ABCA1: variants seen among roughly 807,000 people sequenced by gnomAD.
ABCA1 encodes phospholipid-transporting ATPase ABCA1.
A neutral mutation model predicts 262.5 loss-of-function variants in ABCA1; 133 were observed. The ratio of observed to expected loss-of-function variants is 0.51; its 90% CI spans 0.44 to 0.59. The LOEUF (loss-of-function observed/expected upper bound fraction) is 0.59, where lower values mean the gene tolerates loss of function less well. Ranked by LOEUF, ABCA1 falls within the 20% of genes least tolerant of loss-of-function variation. The pLI is 0.00. For synonymous variants in ABCA1, 1,022 were observed against 1,043.5 expected (o/e 0.98, Z 0.40); for missense variants, 2,452 against 2,777.5 (o/e 0.88, Z 2.63).
intron 7 of ABCA1, chr9:104,855,326 A>G (rs1272568353): frequency 5.0e-6 from 1 of 199,612 alleles, no homozygotes; most frequent in Non-Finnish European, 8.9e-6. Context: ...CCTCTTCAGT[A>G]GCTGGGATTA....
At chr9:104,797,087 T>C (rs1829964705) in intron 37 of ABCA1, among the ~76,000 whole-genome samples, 1 of 152,158 alleles carries the variant, frequency 6.6e-6, no homozygotes, top group Admixed American at 6.5e-5. Context: ...GATGTGTTTA[T>C]CAACAACTTA....
At chr9:104,870,645 C>G (rs1588462551) in intron 5 of ABCA1, among the ~76,000 whole-genome samples, 1 of 151,818 alleles carries the variant, frequency 6.6e-6, no homozygotes, top group Non-Finnish European at 1.5e-5. Flanking sequence ...CATTAGGGCC[C>G]CTCACAGATA....
At chr9:104,905,083 C>A (rs1271975420) in intron 1 of ABCA1, among the ~76,000 whole-genome samples, 1 of 152,166 alleles carries the variant, frequency 6.6e-6, no homozygotes, top group Non-Finnish European at 1.5e-5. Flanking sequence ...GGTGAAAATT[C>A]GGCCCTGCTG....
intron 15 of ABCA1, among the ~76,000 whole-genome samples, chr9:104,828,579 C>T (rs1042491972): frequency 6.6e-6 from 1 of 152,172 alleles, no homozygotes; most frequent in African/African-American, 2.4e-5. Context: ...AGAATCGCCA[C>T]CCAATATATC....
intron 7 of ABCA1, among the ~76,000 whole-genome samples, chr9:104,848,040 G>GCACACA (rs369734908): frequency 2.6e-5 from 4 of 151,690 alleles, no homozygotes; most frequent in Non-Finnish European, 5.9e-5. Context: ...ACTTATATGT[G>GCACACA]CACACACACA....
At chr9:104,860,128 T>A (rs1836231855) in intron 6 of ABCA1, among the ~76,000 whole-genome samples, 1 of 151,832 alleles carries the variant, frequency 6.6e-6, no homozygotes, top group Non-Finnish European at 1.5e-5. Context: ...TGCCCAATCA[T>A]GCTTTGTTCC....
chr9:104,927,082 C>T (rs1336363309), intron 1 of ABCA1, among the ~76,000 whole-genome samples: 1 of 151,894 alleles, frequency 6.6e-6, no homozygotes, highest in Non-Finnish European at 1.5e-5. Context: ...TGTGGTGACG[C>T]GCCTGTAATC....
In ABCA1 at chr9:104,837,492, G is replaced by C; in HGVS notation, c.1130C>G (p.Pro377Arg). 1 of 1,614,118 alleles carries C rather than the reference G, an allele frequency of 6.2e-7. No homozygotes were observed. The change falls in exon 10 of 50, where the codon CCG becomes CGG. Residue 377 changes from proline (P) to arginine (R), a missense_variant. Pro to Arg is a moderately radical substitution (Grantham distance 103). Coordinates refer to ENST00000374736, the MANE Select transcript of ABCA1 (RefSeq NM_005502.4). ...LSRIIWKALK[P>R]LLVGKILYTP... ...ATACAGGATCTTCCCAACGAGCAGC[G>C]GCTTCAGAGCTTTCCAGATAATGCG... is the stretch of plus-strand genomic sequence containing the variant.
chr9:104,902,138 T>C (rs939473456), intron 2 of ABCA1, among the ~76,000 whole-genome samples: 2 of 152,202 alleles, frequency 1.3e-5, no homozygotes, highest in African/African-American at 4.8e-5. Flanking sequence ...TGAGGGATTA[T>C]ATTTAAGTTC....
At chr9:104,855,948 C>T in intron 7 of ABCA1, 1 of 1,612,872 alleles carries the variant, frequency 6.2e-7, no homozygotes, top group Non-Finnish European at 8.5e-7. Flanking sequence ...CGTGAAATTC[C>T]ACTTTTGGTA....
Position 104,830,994 on chromosome 9 carries a change from A to G in ABCA1, c.1823T>C (p.Leu608Pro). 6.2e-7 allele frequency: 1 copy of G among 1,614,010 alleles called. No homozygotes were observed. The highest frequency in any genetic ancestry group is 8.5e-7 in the Non-Finnish European group (1 of 1,179,986). ...ACCAGTTTTCTTCTCGGTGCCCGTC[A>G]GCACCCTGATGATTGCCTGCTCCAC... ...DVVEQAIIRV[L>P]TGTEKKTGVY... The change falls in exon 14 of 50, where the codon CTG becomes CCG. Residue 608 changes from leucine to proline, a missense_variant. Physicochemically the swap from Leu to Pro is moderately conservative, Grantham distance 98. Coordinates refer to ENST00000374736, the MANE Select transcript of ABCA1 (RefSeq NM_005502.4).
In ABCA1 at chr9:104,792,853, C is replaced by T. The variant is rs564049659; in HGVS notation, c.5690G>A (p.Arg1897Gln). ...ACCATCAAGAATTCTCTGTCTTTCCCGCCTCACATCTTCATCTTCATCATT... is the reference window on the plus strand; with the variant it reads ...ACCATCAAGAATTCTCTGTCTTTCCTGCCTCACATCTTCATCTTCATCATT... ...PLNDEDEDVR[R>Q]ERQRILDGGG... The change falls in exon 42 of 50, where the codon CGG (arginine) becomes CAG (glutamine). Residue 1897 changes from arginine (R) to glutamine (Q), a missense_variant. This residue lies in a region of ABCA1 where 752 missense variants were observed against 944.5 expected (regional missense o/e 0.80). Transcript: ENST00000374736. 1.5e-5 allele frequency: 24 copies of T among 1,614,094 alleles called. No homozygotes were observed. In the African/African-American group the frequency reaches 2.1e-4, roughly 14 times the overall value.
intron 5 of ABCA1, among the ~76,000 whole-genome samples, chr9:104,869,915 GGTTAA>G (rs10583465): frequency 0.21 from 32,606 of 151,948 alleles, 3,878 homozygotes; most frequent in African/African-American, 0.32. Flanking sequence ...TATACGTGTG[GGTTAA>G]GTTATCACTA....
chr9:104,902,981 C>T (rs1840788287), intron 2 of ABCA1, among the ~76,000 whole-genome samples: 1 of 152,126 alleles, frequency 6.6e-6, no homozygotes, highest in Admixed American at 6.5e-5. Context: ...AAAGAGCTGA[C>T]GTCTGAGTTT....
chr9:104,887,227 G>A (rs916269084), intron 3 of ABCA1, among the ~76,000 whole-genome samples: 1 of 152,202 alleles, frequency 6.6e-6, no homozygotes, highest in Non-Finnish European at 1.5e-5. Flanking sequence ...GTAGTGAGCG[G>A]AGATTGCACT....
At chr9:104,912,365 C>T (rs893268225) in intron 1 of ABCA1, among the ~76,000 whole-genome samples, 2 of 152,178 alleles carry the variant, frequency 1.3e-5, no homozygotes, top group African/African-American at 2.4e-5. Context: ...TGCCACCATA[C>T]TCCAACCTGG....
chr9:104,797,134 A>G (rs1829968940), intron 37 of ABCA1, among the ~76,000 whole-genome samples: 1 of 152,196 alleles, frequency 6.6e-6, no homozygotes, highest in African/African-American at 2.4e-5. Flanking sequence ...CAGGAGCTCT[A>G]AAGCAGGGAG....
chr9:104,886,652 T>C (rs903779065), intron 3 of ABCA1, among the ~76,000 whole-genome samples: 8 of 152,204 alleles, frequency 5.3e-5, no homozygotes, highest in South Asian at 2.1e-4. Context: ...GCAGTGATGG[T>C]GAAGGTATTT....
intron 6 of ABCA1, among the ~76,000 whole-genome samples, chr9:104,860,755 C>CTTTTTT (rs762423202): frequency 2.1e-4 from 24 of 115,858 alleles, no homozygotes; most frequent in African/African-American, 6.7e-4. Context: ...TTATAAAATT[C>CTTTTTT]TTTTTTTTTT....
Sources: gnomAD v4.1 joint callset for allele counts (sites outside exome capture counted in the v4.1 genomes callset) on GRCh38, gnomAD v4.1.1 for gene constraint, gnomAD v4.1.1 regional missense constraint, MANE v1.5 for transcripts, NCBI Gene and HGNC (gene_info 2026-07-23, HGNC 2026-07-21) for gene names.